Variants in STPG2 observed in about 807,000 individuals in gnomAD.
The protein encoded by STPG2 is sperm-tail PG-rich repeat-containing protein 2.
STPG2 carries 56 observed loss-of-function variants against 54.2 expected under a neutral mutation model. That is an observed-to-expected ratio of 1.03 (90% CI 0.83 to 1.29). The LOEUF is 1.29. STPG2 is among the 50% of genes most tolerant of loss of function. The pLI is 0.00. For missense variants in STPG2, 596 were observed against 544.9 expected (o/e 1.09, Z -0.93); for synonymous variants, 200 against 181.8 (o/e 1.10, Z -0.81).
intron 6 of STPG2, among the ~76,000 whole-genome samples, chr4:97,978,312 T>C (rs1734559414): frequency 6.6e-6 from 1 of 152,162 alleles, no homozygotes; most frequent in Non-Finnish European, 1.5e-5. Context: ...ATATACACCA[T>C]GAAATACTAT....
intron 4 of STPG2, among the ~76,000 whole-genome samples, chr4:97,463,812 G>C (rs190653597): frequency 3.3e-5 from 5 of 152,230 alleles, no homozygotes; most frequent in African/African-American, 1.2e-4. Context: ...ATATTGATAC[G>C]TTACTGTTTA....
At chr4:97,894,345 G>A (rs1012554360) in intron 8 of STPG2, among the ~76,000 whole-genome samples, 6 of 151,794 alleles carry the variant, frequency 4.0e-5, no homozygotes, top group East Asian at 1.9e-4. Context: ...ATTCATCTAC[G>A]AAAAAATACA....
At position 97,923,302 on chromosome 4, in the gene STPG2, ACC is replaced by A. The variant is rs79611394; in HGVS notation, c.1044+20593_1044+20594del. Among the ~76,000 whole-genome samples, 102 of 131,856 alleles carry A rather than the reference ACC, an allele frequency of 7.7e-4. 2 individuals carry two copies. The highest frequency in any genetic ancestry group is 1.6e-3 in the Non-Finnish European group (94 of 60,644). 86.5% of individuals were successfully genotyped at this position (131,856 alleles called of 152,430 possible). A position where few individuals can be genotyped will look rare whatever the true frequency, so the allele number is the denominator to read the frequency against. The stretch of plus-strand genomic sequence containing the variant: ...GGCTGTGCGCAGCGCTTCCCCTCCC[ACC>A]CCCCCCGCCATGGGCTCCTGTGTGG... On this transcript the variant is annotated intron_variant, in intron 8 of 10. Transcript: ENST00000295268.
At chr4:97,927,829 T>G (rs2149215992) in intron 8 of STPG2, among the ~76,000 whole-genome samples, 1 of 152,214 alleles carries the variant, frequency 6.6e-6, no homozygotes, top group South Asian at 2.1e-4. Context: ...TAATATGCAT[T>G]TGGAATGGTG....
At chr4:97,956,742 G>A (rs1733688852) in intron 7 of STPG2, among the ~76,000 whole-genome samples, 1 of 152,144 alleles carries the variant, frequency 6.6e-6, no homozygotes, top group Non-Finnish European at 1.5e-5. Flanking sequence ...TTGGCTCACA[G>A]AAAGCCACAC....
intron 8 of STPG2, among the ~76,000 whole-genome samples, chr4:97,895,482 A>C (rs1166850821): frequency 6.6e-6 from 1 of 151,882 alleles, no homozygotes; most frequent in Non-Finnish European, 1.5e-5. Context: ...AGTCATAATT[A>C]TTCCTTCTGA....
At chr4:97,818,593 C>T (rs974795475) in intron 9 of STPG2, among the ~76,000 whole-genome samples, 1 of 151,670 alleles carries the variant, frequency 6.6e-6, no homozygotes, top group African/African-American at 2.4e-5. Context: ...TGGCACTTAA[C>T]TTCCCATCTC....
chr4:97,464,104 T>C (rs1201703441), intron 4 of STPG2, among the ~76,000 whole-genome samples: 1 of 151,928 alleles, frequency 6.6e-6, no homozygotes, highest in African/African-American at 2.4e-5. Context: ...TGGACATGAG[T>C]TTTCTAATCA....
intron 4 of STPG2, among the ~76,000 whole-genome samples, chr4:97,454,581 C>CTACTGGAATAA (rs1238031081): frequency 7.9e-6 from 1 of 126,186 alleles, no homozygotes; most frequent in Non-Finnish European, 1.7e-5. Flanking sequence ...AAAGTTGCCA[C>CTACTGGAATAA]TACTGGAATA....
In STPG2 at chr4:98,112,479, C is replaced by T. The variant is rs192721268; in HGVS notation, c.388-3174G>A. Among the ~76,000 whole-genome samples the T allele has an allele frequency of 4.2e-3, 646 of 152,110 alleles. 4 individuals carry two copies. Among genetic ancestry groups the T allele is most frequent in the South Asian group, 0.025 (122 of 4,822 alleles). ...AACAATGCATTTCTTAGGACGTATC[C>T]CTATCATTGATTGACACATGACTGT... On this transcript the variant is annotated intron_variant, in intron 3 of 10. Coordinates refer to ENST00000295268, the MANE Select transcript of STPG2 (RefSeq NM_174952.3).
At chr4:97,622,553 T>C (rs1046162079) in intron 10 of STPG2, among the ~76,000 whole-genome samples, 4 of 152,110 alleles carry the variant, frequency 2.6e-5, no homozygotes, top group Non-Finnish European at 5.9e-5. Flanking sequence ...GGAATACAGC[T>C]AACAAGGGAG....
intron 9 of STPG2, among the ~76,000 whole-genome samples, chr4:97,764,170 A>G (rs1374149616): frequency 6.6e-6 from 1 of 151,626 alleles, no homozygotes; most frequent in African/African-American, 2.4e-5. Context: ...ACACACACAC[A>G]TAGGCACATG....
intron 5 of STPG2, among the ~76,000 whole-genome samples, chr4:97,994,393 C>T (rs1233555086): frequency 6.6e-6 from 1 of 152,078 alleles, no homozygotes; most frequent in Non-Finnish European, 1.5e-5. Flanking sequence ...TATCATATGG[C>T]CTACCTTGGA....
At chr4:97,501,245 T>C (rs756708758) in intron 4 of STPG2, among the ~76,000 whole-genome samples, 3 of 151,990 alleles carry the variant, frequency 2.0e-5, no homozygotes, top group Admixed American at 6.6e-5. Context: ...GTGGAAAATG[T>C]GTCTAGGATA....
intron 8 of STPG2, among the ~76,000 whole-genome samples, chr4:97,870,932 A>C (rs996456568): frequency 6.6e-6 from 1 of 151,300 alleles, no homozygotes; most frequent in Non-Finnish European, 1.5e-5. Context: ...ATGTGCCTAC[A>C]GTAAGGTACA....
At chr4:97,569,379 C>T (rs1732540305) in intron 10 of STPG2, among the ~76,000 whole-genome samples, 1 of 152,162 alleles carries the variant, frequency 6.6e-6, no homozygotes, top group Non-Finnish European at 1.5e-5. Context: ...TTCTTTGCTG[C>T]AATCAATTTG....
intron 1 of STPG2, among the ~76,000 whole-genome samples, chr4:98,137,850 A>C (rs1487109180): frequency 6.6e-6 from 1 of 151,924 alleles, no homozygotes; most frequent in Non-Finnish European, 1.5e-5. Flanking sequence ...TGGTACTCAT[A>C]AAATCTTCAT....
At chr4:97,871,160 AGTG>A (rs998128781) in intron 8 of STPG2, among the ~76,000 whole-genome samples, 7 of 151,058 alleles carry the variant, frequency 4.6e-5, no homozygotes, top group African/African-American at 1.5e-4. Context: ...GAATATAAAA[AGTG>A]GTGATTAAAG....
At chr4:98,035,326 C>T (rs575048920) in intron 5 of STPG2, among the ~76,000 whole-genome samples, 154 of 152,162 alleles carry the variant, frequency 1.0e-3, no homozygotes, top group Middle Eastern at 3.4e-3. Context: ...GACATTTATG[C>T]GGCCAACAAA....
Sources: allele counts gnomAD v4.1 joint callset (sites outside exome capture counted in the v4.1 genomes callset), GRCh38; gene constraint gnomAD v4.1.1; transcripts MANE v1.5; gene names NCBI Gene and HGNC (gene_info 2026-07-23, HGNC 2026-07-21).